Variants in C2CD3 observed in about 807,000 individuals in gnomAD.
C2CD3 encodes the protein C2 domain containing 3 centriole elongation regulator.
A neutral mutation model predicts 234.0 loss-of-function variants in C2CD3; 148 were observed. The observed-to-expected ratio is 0.63, with a 90% CI of 0.55 to 0.72. C2CD3 has a LOEUF of 0.72. C2CD3 is among the 30% of genes least tolerant of loss of function. The probability of loss-of-function intolerance (pLI) is 0.00; values close to 1 mark genes in which losing one functional copy is unlikely to be tolerated. For synonymous variants in C2CD3, 1,000 were observed against 1,035.4 expected (o/e 0.97, Z 0.66); for missense variants, 2,577 against 2,811.5 (o/e 0.92, Z 1.89).
intron 20 of C2CD3, among the ~76,000 whole-genome samples, chr11:74,086,772 C>T (rs1387500023): frequency 6.6e-6 from 1 of 152,194 alleles, no homozygotes; most frequent in East Asian, 1.9e-4. Flanking sequence ...GACAAACCCC[C>T]TTTCCCTAAA....
intron 26 of C2CD3, among the ~76,000 whole-genome samples, chr11:74,053,764 A>G (rs1953814999): frequency 1.3e-5 from 2 of 152,218 alleles, no homozygotes; most frequent in Non-Finnish European, 2.9e-5. Context: ...ACTGAAATGT[A>G]CTTGGATTTC....
At position 74,146,850 on chromosome 11, in the gene C2CD3, C is replaced by T. The variant is rs189601087; in HGVS notation, c.484-7022G>A. 3.2e-3 allele frequency among the ~76,000 whole-genome samples: 482 copies of T among 151,834 alleles called. 3 individuals carry two copies. The Middle Eastern group carries it at 0.034, about 11-fold the overall frequency. ...GGCAGATCACTTGAGGTCAGGAGCT[C>T]GAGACCAGCCTGGCCAACATGGTGA... is the stretch of plus-strand genomic sequence containing the variant. On this transcript the variant is annotated intron_variant, in intron 3 of 32. Coordinates refer to ENST00000334126, the MANE Select transcript of C2CD3 (RefSeq NM_001286577.2).
At chr11:74,056,355 C>G (rs577335161) in intron 25 of C2CD3, among the ~76,000 whole-genome samples, 2 of 152,314 alleles carry the variant, frequency 1.3e-5, no homozygotes, top group East Asian at 3.9e-4. Flanking sequence ...TATGCCAGCC[C>G]CCTCACATTT....
At chr11:74,128,296 T>A (rs1957485107) in intron 7 of C2CD3, among the ~76,000 whole-genome samples, 1 of 152,210 alleles carries the variant, frequency 6.6e-6, no homozygotes, top group Non-Finnish European at 1.5e-5. Flanking sequence ...AAGTCCTGTA[T>A]CAGATGTAAG....
Position 74,095,418 on chromosome 11 carries a change from G to T in C2CD3, c.2980-10C>A. The T allele has an allele frequency of 6.2e-7, 1 of 1,602,822 alleles. No individual in the cohort carries two copies. The highest frequency in any genetic ancestry group is 1.1e-5 in the South Asian group (1 of 89,608). On this transcript the variant is annotated splice_polypyrimidine_tract_variant and intron_variant, in intron 16 of 32. Transcript: ENST00000334126. ...TTCCTCGGTCCTCTGCCTATTAAAT[G>T]AAACAGAAACACTGGTGAGCTTTAA...
chr11:74,075,700 T>G (rs1346055684), intron 23 of C2CD3, among the ~76,000 whole-genome samples: 1 of 152,134 alleles, frequency 6.6e-6, no homozygotes, highest in African/African-American at 2.4e-5. Context: ...AGATAACCAG[T>G]TTTCTTCTCA....
Position 74,078,369 on chromosome 11 carries a change from G to T in C2CD3, c.4349C>A (p.Pro1450His), listed in dbSNP as rs1055511737. Residue 1450 changes from proline (P) to histidine (H), a missense_variant, in exon 23 of 33, where the codon CCT (proline) becomes CAT (histidine). Coordinates refer to ENST00000334126, the MANE Select transcript of C2CD3 (RefSeq NM_001286577.2). ...TACAGATTCCTTAGGCTTCTTGAGA[G>T]GGGTCCAAAAGGCTTCATGATCATA... ...KFYDHEAFWT[P>H]LKKPKESVNK... The T allele has an allele frequency of 6.2e-7, 1 of 1,614,172 alleles. No individual in the cohort carries two copies. The highest frequency in any genetic ancestry group is 8.5e-7 in the Non-Finnish European group (1 of 1,180,040).
chr11:74,113,717 G>T, intron 11 of C2CD3, 63 bp downstream of exon 11: 1 of 899,716 alleles, frequency 1.1e-6, no homozygotes, highest in South Asian at 1.4e-5. Context: ...TGAGTAATTA[G>T]GAATTCAAAA....
At chr11:74,031,961 T>G (rs1188663190) in intron 31 of C2CD3, among the ~76,000 whole-genome samples, 1 of 152,264 alleles carries the variant, frequency 6.6e-6, no homozygotes, top group Non-Finnish European at 1.5e-5. Flanking sequence ...CCCTAGGTTT[T>G]TCTCTGATCT....
chr11:74,150,199 T>C (rs1338369382), intron 3 of C2CD3, among the ~76,000 whole-genome samples: 2 of 151,494 alleles, frequency 1.3e-5, no homozygotes, highest in African/African-American at 4.9e-5. Flanking sequence ...TTTCTGTGGA[T>C]GGGTGCGGTG....
At chr11:74,152,456 C>T (rs919385606) in intron 3 of C2CD3, among the ~76,000 whole-genome samples, 1 of 152,194 alleles carries the variant, frequency 6.6e-6, no homozygotes, top group Admixed American at 6.5e-5. Context: ...CACTGGTAAA[C>T]TCTACTAGAC....
chr11:74,111,557 T>C (rs1171036839), intron 11 of C2CD3, among the ~76,000 whole-genome samples: 1 of 152,164 alleles, frequency 6.6e-6, no homozygotes, highest in African/African-American at 2.4e-5. Context: ...TATGCAAATA[T>C]TCCAAAATCT....
Position 74,139,748 on chromosome 11 carries a change from C to A in C2CD3, c.564G>T (p.Val188=). ...PLPTTDMTEN[V]LLSKQGFREN... is the part of the protein sequence containing the mutation. ...CTCTGAATCCCTGCTTAGATAAAAG[C>A]ACATTTTCTGTCATGTCAGTGGTAG... Residue 188 remains valine (V), a synonymous_variant, in exon 4 of 33, where the codon GTG becomes GTT. Coordinates refer to ENST00000334126, the MANE Select transcript of C2CD3 (RefSeq NM_001286577.2). 6.2e-7 allele frequency: 1 copy of A among 1,613,706 alleles called. No homozygotes were observed. The highest frequency in any genetic ancestry group is 8.5e-7 in the Non-Finnish European group (1 of 1,179,670).
chr11:74,050,073 C>A (rs1953603607), intron 26 of C2CD3, among the ~76,000 whole-genome samples: 1 of 152,102 alleles, frequency 6.6e-6, no homozygotes, highest in Non-Finnish European at 1.5e-5. Context: ...AGCCACCCCA[C>A]CTAGCTGGTC....
chr11:74,042,462 C>A (rs1038087869), intron 28 of C2CD3, among the ~76,000 whole-genome samples: 14 of 152,060 alleles, frequency 9.2e-5, no homozygotes, highest in African/African-American at 3.4e-4. Context: ...TTTTCTAAAA[C>A]ATAAATCTGG....
chr11:74,040,857 C>T (rs755150680), intron 29 of C2CD3, among the ~76,000 whole-genome samples: 4 of 151,556 alleles, frequency 2.6e-5, no homozygotes, highest in East Asian at 1.9e-4. Flanking sequence ...GCCAGGTGTT[C>T]GAGCCCAGCC....
At chr11:74,137,330 A>G (rs2135541808) in intron 5 of C2CD3, among the ~76,000 whole-genome samples, 1 of 152,158 alleles carries the variant, frequency 6.6e-6, no homozygotes, top group Middle Eastern at 3.4e-3. Flanking sequence ...TAACTACTGT[A>G]GCCCTGATAC....
At chr11:74,145,729 G>GT (rs1290816012) in intron 3 of C2CD3, among the ~76,000 whole-genome samples, 4 of 152,096 alleles carry the variant, frequency 2.6e-5, no homozygotes, top group Non-Finnish European at 5.9e-5. Context: ...TGTATATGGT[G>GT]TAAGTAAGGG....
intron 24 of C2CD3, among the ~76,000 whole-genome samples, chr11:74,072,576 A>G (rs1314322551): frequency 1.3e-5 from 2 of 152,202 alleles, no homozygotes; most frequent in African/African-American, 4.8e-5. Flanking sequence ...CCATTTACAG[A>G]TGAGAAATTC....
Sources: gnomAD v4.1 joint callset for allele counts (sites outside exome capture counted in the v4.1 genomes callset) on GRCh38, gnomAD v4.1.1 for gene constraint, MANE v1.5 for transcripts, NCBI Gene and HGNC (gene_info 2026-07-23, HGNC 2026-07-21) for gene names.